Variants in B4GALNT3 observed in about 807,000 individuals in gnomAD.
B4GALNT3 encodes beta-1,4-N-acetyl-galactosaminyltransferase 3.
In B4GALNT3, 86 loss-of-function variants were observed where a neutral mutation model predicts 120.2. That is an observed-to-expected ratio of 0.72 (90% CI 0.60 to 0.86). The LOEUF (loss-of-function observed/expected upper bound fraction) is 0.86, where lower values mean the gene tolerates loss of function less well. Ranked by LOEUF, B4GALNT3 falls within the 40% of genes least tolerant of loss-of-function variation. The pLI is 0.00. For missense variants in B4GALNT3, 1,167 were observed against 1,298.9 expected, an observed-to-expected ratio of 0.90 and a Z score of 1.56; for synonymous variants, 518 against 510.4, an observed-to-expected ratio of 1.01 and a Z score of -0.20.
At chr12:507,451 C>T (rs576828883) in intron 1 of B4GALNT3, among the ~76,000 whole-genome samples, 3 of 152,294 alleles carry the variant, frequency 2.0e-5, no homozygotes, top group Non-Finnish European at 2.9e-5. Flanking sequence ...ATTAGACAGA[C>T]GCTTCCACTG....
chr12:550,497 A>G lies in B4GALNT3; in HGVS notation c.998-425A>G, dbSNP rs1947068140. 6.8e-6 allele frequency among the ~76,000 whole-genome samples: 1 copy of G among 148,140 alleles called. No individual in the cohort carries two copies. The highest frequency in any genetic ancestry group is 1.5e-5 in the Non-Finnish European group (1 of 67,126). On this transcript the variant is annotated intron_variant, in intron 10 of 19. Transcript: ENST00000266383. This position sits in a 1 kb window ranked among gnomAD's most constrained non-coding sequence, Gnocchi z 4.1. ...GAGTGAGATCCTGTCAAAAAAAACA[A>G]ACAAACAAAAAAAACAACAAAGTTT... is the stretch of plus-strand genomic sequence containing the variant.
chr12:497,647 G>A (rs190028892), intron 1 of B4GALNT3, among the ~76,000 whole-genome samples: 7 of 152,170 alleles, frequency 4.6e-5, no homozygotes, highest in African/African-American at 1.7e-4. Flanking sequence ...GGAATTCCTG[G>A]GTCCCGTGGT....
chr12:549,581 G>T (rs1328012089), intron 9 of B4GALNT3, among the ~76,000 whole-genome samples, 188 bp from the exon 10 acceptor site: 1 of 152,244 alleles, frequency 6.6e-6, no homozygotes, highest in Admixed American at 6.5e-5. Context: ...GGCAGAGGGG[G>T]CCGAAGGCAG....
At chr12:547,147 G>A (rs984153731) in intron 7 of B4GALNT3, among the ~76,000 whole-genome samples, 2 of 149,398 alleles carry the variant, frequency 1.3e-5, no homozygotes, top group Admixed American at 6.7e-5. Flanking sequence ...TCACGCAGGC[G>A]GGAAGAGCGG....
intron 1 of B4GALNT3, among the ~76,000 whole-genome samples, chr12:485,276 A>G (rs111817518): frequency 6.6e-5 from 10 of 152,340 alleles, no homozygotes; most frequent in African/African-American, 2.4e-4. Context: ...GGCACTGAGA[A>G]GAAAGATGTA....
rs372198988 is a variant in B4GALNT3 at position 553,098 on chromosome 12, TG to T, written c.1271-94del. ...GATTCAACCCCAGTCTGGAGCCCCA[TG>T]GTGCGTCACACGTATGATCATCCTC... On this transcript the variant is annotated intron_variant, in intron 13 of 19. Transcript: ENST00000266383. 77 of 1,517,872 alleles carry T rather than the reference TG, an allele frequency of 5.1e-5. No individual in the cohort carries two copies. In the African/African-American group the frequency reaches 8.9e-4, roughly 17 times the overall value. 94.0% of individuals were successfully genotyped at this position (1,517,872 alleles called of 1,614,324 possible). A position where few individuals can be genotyped will look rare whatever the true frequency, so the allele number is the denominator to read the frequency against.
intron 1 of B4GALNT3, among the ~76,000 whole-genome samples, chr12:506,837 C>T (rs1946501711): frequency 6.6e-6 from 1 of 152,164 alleles, no homozygotes; most frequent in Non-Finnish European, 1.5e-5. Context: ...GGGGTTTCAC[C>T]GTGTTAGCCA....
At chr12:537,468 G>A (rs1316815347) in intron 3 of B4GALNT3, among the ~76,000 whole-genome samples, 1 of 152,060 alleles carries the variant, frequency 6.6e-6, no homozygotes, top group South Asian at 2.1e-4. Context: ...TATTGCCCAG[G>A]CTGACCTCAA....
At chr12:521,921 A>G (rs924916297) in intron 1 of B4GALNT3, among the ~76,000 whole-genome samples, 3 of 148,854 alleles carry the variant, frequency 2.0e-5, no homozygotes, top group Non-Finnish European at 3.0e-5. Flanking sequence ...GTGGACTAGG[A>G]CCTCCCTGTC....
chr12:555,851 C>T (rs1947147163), intron 14 of B4GALNT3, among the ~76,000 whole-genome samples: 1 of 151,780 alleles, frequency 6.6e-6, no homozygotes, highest in East Asian at 1.9e-4. Flanking sequence ...GTGGCGCGAT[C>T]TCGACTCATG....
At chr12:559,543 G>T (rs1947201073) in intron 19 of B4GALNT3, 122 bp downstream of exon 19, 1 of 1,408,732 alleles carries the variant, frequency 7.1e-7, no homozygotes, top group Non-Finnish European at 9.6e-7. Context: ...ACAGTAAAGA[G>T]CACTGGACTC....
At chr12:512,221 A>T (rs1317549287) in intron 1 of B4GALNT3, among the ~76,000 whole-genome samples, 3 of 51,248 alleles carry the variant, frequency 5.9e-5, no homozygotes, top group Non-Finnish European at 7.1e-5. Flanking sequence ...TCCACCTTCC[A>T]CCTTCTTCCA....
rs760482360 is a variant in B4GALNT3, at chr12:556,765, G to A, written c.2279G>A (p.Arg760His). The A allele has an allele frequency of 3.6e-5, 58 of 1,612,626 alleles. No individual in the cohort carries two copies. Among genetic ancestry groups the A allele is most frequent in the Non-Finnish European group, 4.2e-5 (50 of 1,179,134 alleles). ...GGCCTGGTCTGGGACCCACACAACCGTAGGAGACAGGTCCTGAATACCCGG... is the reference window on the plus strand; with the variant it reads ...GGCCTGGTCTGGGACCCACACAACCATAGGAGACAGGTCCTGAATACCCGG... ...LQGLVWDPHN[R>H]RRQVLNTRAQ... The change falls in exon 15 of 20, where the codon CGT becomes CAT. Residue 760 changes from arginine (R) to histidine (H), a missense_variant. Physicochemically the swap from Arg to His is conservative, Grantham distance 29. Around this residue, in one of 3 missense-constraint regions of B4GALNT3, gnomAD observed 983 missense variants for 1,102.5 expected, o/e 0.89. Transcript: ENST00000266383.
chr12:495,005 G>A (rs917195101), intron 1 of B4GALNT3, among the ~76,000 whole-genome samples: 5 of 152,162 alleles, frequency 3.3e-5, no homozygotes, highest in Non-Finnish European at 7.3e-5. Context: ...TCTGCATAGC[G>A]TAAGCACAGT....
At chr12:485,473 G>T (rs149364301) in intron 1 of B4GALNT3, among the ~76,000 whole-genome samples, 4 of 152,212 alleles carry the variant, frequency 2.6e-5, no homozygotes, top group Non-Finnish European at 5.9e-5. Context: ...CCATGGTGGG[G>T]TGGTGTTTAC....
In B4GALNT3 at chr12:548,790, GT is replaced by G. The variant is rs201640613; in HGVS notation, c.853+494del. On this transcript the variant is annotated intron_variant, in intron 9 of 19. Coordinates refer to ENST00000266383, the MANE Select transcript of B4GALNT3 (RefSeq NM_173593.4). This position sits in a 1 kb window ranked among gnomAD's most constrained non-coding sequence, Gnocchi z 4.9. Reference sequence around the variant, plus strand: ...CTGGGTGTGGTGGCGCATGCCTGTAGTCACAGCTACTGGGAAGGATCGCTTG... The same window carrying G: ...CTGGGTGTGGTGGCGCATGCCTGTAGCACAGCTACTGGGAAGGATCGCTTG... Among the ~76,000 whole-genome samples, 2,437 of 152,262 alleles carry G rather than the reference GT, an allele frequency of 0.016. 62 individuals carry two copies. The highest frequency in any genetic ancestry group is 0.054 in the African/African-American group (2,256 of 41,520).
rs539805823 is a variant in B4GALNT3 at position 551,848 on chromosome 12, T to C, written c.1108-215T>C. Among the ~76,000 whole-genome samples the C allele has an allele frequency of 2.0e-5, 3 of 152,026 alleles. No homozygotes were observed. In the East Asian group the frequency reaches 5.8e-4, roughly 29 times the overall value. ...TTGACTCAGGGTTGCATTTGGTCCA[T>C]AGGGCCTGGGATCACTAGCATAACA... On this transcript the variant is annotated intron_variant, in intron 11 of 19. Transcript: ENST00000266383.
intron 1 of B4GALNT3, among the ~76,000 whole-genome samples, chr12:523,490 A>C (rs568181178): frequency 2.4e-4 from 37 of 152,254 alleles, no homozygotes; most frequent in South Asian, 2.3e-3. Flanking sequence ...CCTTTCCTAG[A>C]TTAGGCTCAG....
chr12:536,164 C>A lies in B4GALNT3; in HGVS notation c.274-54C>A, dbSNP rs145854499. 5,304 of 1,499,016 alleles carry A rather than the reference C, an allele frequency of 3.5e-3. 23 individuals carry two copies. Among genetic ancestry groups the A allele is most frequent in the South Asian group, 6.6e-3 (585 of 88,614 alleles). The allele number at this position is 1,499,016 out of a possible 1,614,324, so 92.9% of individuals were successfully genotyped here. A position where few individuals can be genotyped will look rare whatever the true frequency, so the allele number is the denominator to read the frequency against. ...CAGGCACTGTGCCTCCTGTCCTGCCCGTAGCTTCTCATCCTAATATTCCTA... is the reference window on the plus strand; with the variant it reads ...CAGGCACTGTGCCTCCTGTCCTGCCAGTAGCTTCTCATCCTAATATTCCTA... On this transcript the variant is annotated intron_variant, in intron 2 of 19. Coordinates refer to ENST00000266383, the MANE Select transcript of B4GALNT3 (RefSeq NM_173593.4).
Sources: allele counts gnomAD v4.1 joint callset (sites outside exome capture counted in the v4.1 genomes callset), GRCh38; gene constraint gnomAD v4.1.1; regional missense constraint gnomAD v4.1.1; non-coding constraint Gnocchi (gnomAD v3.1); transcripts MANE v1.5; gene names NCBI Gene and HGNC (gene_info 2026-07-23, HGNC 2026-07-21).